ZNHIT6: variants seen among roughly 807,000 people sequenced by gnomAD.
ZNHIT6 encodes the protein box C/D snoRNA protein 1.
In ZNHIT6, 45 loss-of-function variants were observed where a neutral mutation model predicts 57.2. The observed-to-expected ratio is 0.79, with a 90% confidence interval of 0.62 to 1.01. The LOEUF (loss-of-function observed/expected upper bound fraction) is 1.01. Ranked by LOEUF, ZNHIT6 falls within the 50% of genes least tolerant of loss-of-function variation. ZNHIT6 has a pLI of 0.00. For missense variants in ZNHIT6, 528 were observed against 567.3 expected, an observed-to-expected ratio of 0.93 and a Z score of 0.70; for synonymous variants, 188 against 190.0, an observed-to-expected ratio of 0.99 and a Z score of 0.09.
intron 5 of ZNHIT6, among the ~76,000 whole-genome samples, chr1:85,687,232 AT>A (rs1662071842): frequency 7.2e-6 from 1 of 139,202 alleles, no homozygotes; most frequent in South Asian, 2.5e-4. Context: ...GTGAACTGAG[AT>A]TGTGCCACGG....
chr1:85,685,537 G>A (rs547992097), intron 5 of ZNHIT6, among the ~76,000 whole-genome samples: 5 of 152,248 alleles, frequency 3.3e-5, no homozygotes, highest in Admixed American at 3.3e-4. Flanking sequence ...CTACGAATAT[G>A]TCTGTATTAT....
At chr1:85,667,332 C>T (rs910341188) in intron 8 of ZNHIT6, among the ~76,000 whole-genome samples, 1 of 152,082 alleles carries the variant, frequency 6.6e-6, no homozygotes. Context: ...TACATATTAG[C>T]CCCCAGATTT....
chr1:85,663,052 G>A (rs1157298305), intron 8 of ZNHIT6, among the ~76,000 whole-genome samples: 1 of 152,002 alleles, frequency 6.6e-6, no homozygotes, highest in African/African-American at 2.4e-5. Flanking sequence ...CTTATCACTG[G>A]TCCTTATGAG....
intron 4 of ZNHIT6, among the ~76,000 whole-genome samples, chr1:85,704,263 T>G (rs1027569840): frequency 6.6e-6 from 1 of 152,172 alleles, no homozygotes; most frequent in East Asian, 1.9e-4. Context: ...AGCAATTCTA[T>G]TCCCAGGTAT....
At position 85,687,296 on chromosome 1, in the gene ZNHIT6, AAAC is replaced by A. The variant is rs1449803613; in HGVS notation, c.1020-6395_1020-6393del. 2.9e-4 allele frequency among the ~76,000 whole-genome samples: 39 copies of A among 132,938 alleles called. 3 individuals are homozygous for A. Among genetic ancestry groups the A allele is most frequent in the African/African-American group, 4.5e-4 (16 of 35,906 alleles). 87.2% of individuals were successfully genotyped at this position (132,938 alleles called of 152,430 possible). A position where few individuals can be genotyped will look rare whatever the true frequency, so the allele number is the denominator to read the frequency against. ...AAGACTATCTCAAAAAACAAAAAAA[AAAC>A]AAAAAAAAAAAACAATTTAGAACCC... On this transcript the variant is annotated intron_variant, in intron 5 of 9. Transcript: ENST00000370574.
At chr1:85,668,051 T>G (rs2100660950) in intron 8 of ZNHIT6, among the ~76,000 whole-genome samples, 1 of 146,560 alleles carries the variant, frequency 6.8e-6, no homozygotes, top group African/African-American at 2.5e-5. Flanking sequence ...TTGCAGAATT[T>G]TATACCAAGT....
At chr1:85,670,854 A>T (rs989747909) in intron 8 of ZNHIT6, among the ~76,000 whole-genome samples, 2 of 152,180 alleles carry the variant, frequency 1.3e-5, no homozygotes, top group Non-Finnish European at 2.9e-5. Context: ...GAAGATGCTG[A>T]GCTGCAAGGT....
chr1:85,692,274 A>G (rs988297857), intron 5 of ZNHIT6, among the ~76,000 whole-genome samples: 1 of 152,100 alleles, frequency 6.6e-6, no homozygotes, highest in Non-Finnish European at 1.5e-5. Flanking sequence ...CAGTTCGGGA[A>G]CCTCAAGATG....
chr1:85,702,305 A>AAGG, intron 4 of ZNHIT6, 45 bp from the exon 5 acceptor site: 5 of 1,195,606 alleles, frequency 4.2e-6, no homozygotes, highest in Non-Finnish European at 3.6e-6. Context: ...TAAATTCCTT[A>AAGG]AATTTAAAAA....
intron 4 of ZNHIT6, among the ~76,000 whole-genome samples, 186 bp downstream of exon 4, chr1:85,705,892 A>G (rs1015290454): frequency 9.9e-5 from 15 of 152,022 alleles, no homozygotes; most frequent in Admixed American, 6.6e-5. Context: ...CTTATCTCCT[A>G]TATCTCCCAC....
At chr1:85,656,334 T>C (rs1325867983) in intron 9 of ZNHIT6, among the ~76,000 whole-genome samples, 1 of 152,180 alleles carries the variant, frequency 6.6e-6, no homozygotes, top group East Asian at 1.9e-4. Context: ...TTTGTGTTCC[T>C]GTAAATAAGT....
At chr1:85,697,166 G>A (rs939397849) in intron 5 of ZNHIT6, among the ~76,000 whole-genome samples, 3 of 151,942 alleles carry the variant, frequency 2.0e-5, no homozygotes, top group Non-Finnish European at 2.9e-5. Context: ...CACCGTGCCC[G>A]GCCAACCATC....
chr1:85,698,316 G>A (rs1662434293), intron 5 of ZNHIT6, among the ~76,000 whole-genome samples: 1 of 152,040 alleles, frequency 6.6e-6, no homozygotes, highest in Non-Finnish European at 1.5e-5. Context: ...ATAATTTTAG[G>A]AGAGTCAGTG....
chr1:85,668,017 TTC>T (rs1391213574), intron 8 of ZNHIT6, among the ~76,000 whole-genome samples: 3 of 137,426 alleles, frequency 2.2e-5, no homozygotes, highest in Non-Finnish European at 3.1e-5. Flanking sequence ...ATCTTACTTG[TTC>T]TGTTTTTCCA....
At position 85,649,545 on chromosome 1, in the gene ZNHIT6, C is replaced by T. The variant is rs1660847231; in HGVS notation, c.*4513G>A. The T allele has an allele frequency of 6.6e-6, 1 of 152,128 alleles. No homozygotes were observed. Among genetic ancestry groups the T allele is most frequent in the Non-Finnish European group, 1.5e-5 (1 of 68,032 alleles). The allele number at this position is 152,128 out of a possible 1,614,324, so 9.4% of individuals were successfully genotyped here. ...AAAATGAGTACAGTACATCACACTC[C>T]AGTATGGAAAATGTTCATGTTATAG... On this transcript the variant is annotated 3_prime_UTR_variant, in exon 10 of 10. Coordinates refer to ENST00000370574, the MANE Select transcript of ZNHIT6 (RefSeq NM_017953.4).
At chr1:85,671,603 T>A (rs1030513457) in intron 8 of ZNHIT6, among the ~76,000 whole-genome samples, 1 of 152,226 alleles carries the variant, frequency 6.6e-6, no homozygotes, top group African/African-American at 2.4e-5. Flanking sequence ...CATTTCAGCA[T>A]GATGTTCTAG....
chr1:85,657,415 C>A (rs1570280277), intron 9 of ZNHIT6, among the ~76,000 whole-genome samples: 1 of 135,308 alleles, frequency 7.4e-6, no homozygotes, highest in Admixed American at 7.5e-5. Flanking sequence ...GGATACTAGG[C>A]TTTTTTTTTT....
intron 8 of ZNHIT6, among the ~76,000 whole-genome samples, chr1:85,670,074 C>T (rs79433290): frequency 0.041 from 6,262 of 152,130 alleles, 464 homozygotes; most frequent in African/African-American, 0.14. Flanking sequence ...ACAATCTTCT[C>T]TCTCTCTCTT....
chr1:85,651,148 G>T lies in ZNHIT6; in HGVS notation c.*2910C>A, dbSNP rs1462541637. ...TATGTGATTAACATTTTAATTATAT[G>T]TCATGAAACCCAAATCCCACTACTT... On this transcript the variant is annotated 3_prime_UTR_variant, in exon 10 of 10. Coordinates refer to ENST00000370574, the MANE Select transcript of ZNHIT6 (RefSeq NM_017953.4). 1 of 152,102 alleles carries T rather than the reference G, an allele frequency of 6.6e-6. No individual in the cohort carries two copies. The highest frequency in any genetic ancestry group is 1.5e-5 in the Non-Finnish European group (1 of 68,024). 9.4% of individuals were successfully genotyped at this position (152,102 alleles called of 1,614,324 possible). A position where few individuals can be genotyped will look rare whatever the true frequency, so the allele number is the denominator to read the frequency against.
Sources: allele counts gnomAD v4.1 joint callset (sites outside exome capture counted in the v4.1 genomes callset), GRCh38; gene constraint gnomAD v4.1.1; transcripts MANE v1.5; gene names NCBI Gene and HGNC (gene_info 2026-07-23, HGNC 2026-07-21).